MDN1: variants seen among roughly 807,000 people sequenced by gnomAD.
The protein encoded by MDN1 is midasin AAA ATPase 1, also known as midasin.
Under a neutral mutation model 669.2 loss-of-function variants are expected in MDN1, and 266 were observed. The ratio of observed to expected loss-of-function variants is 0.40; its 90% CI spans 0.36 to 0.44. MDN1 has a LOEUF of 0.44. MDN1 is among the 20% of genes least tolerant of loss of function. MDN1 has a pLI of 1.00. For missense variants in MDN1, 5,940 were observed against 6,754.0 expected (o/e 0.88, Z 4.22); for synonymous variants, 2,385 against 2,457.1 (o/e 0.97, Z 0.87).
intron 91 of MDN1, among the ~76,000 whole-genome samples, 187 bp from the exon 92 acceptor site, chr6:89,656,155 T>A (rs974016121): frequency 6.6e-6 from 1 of 152,190 alleles, no homozygotes; most frequent in Admixed American, 6.5e-5. Context: ...CTCTATGATA[T>A]ACTTTTATAT....
At chr6:89,801,208 C>T (rs1336110346) in intron 2 of MDN1, among the ~76,000 whole-genome samples, 1 of 152,128 alleles carries the variant, frequency 6.6e-6, no homozygotes, top group Non-Finnish European at 1.5e-5. Flanking sequence ...CCAGCCTGGC[C>T]AACATGGTGA....
At chr6:89,819,426 T>G in intron 1 of MDN1, 80 bp downstream of exon 1, 1 of 1,318,418 alleles carries the variant, frequency 7.6e-7, no homozygotes. Flanking sequence ...AAGCGGCGAG[T>G]ATCGGCGGGG....
rs769071772 is a variant in MDN1, at chr6:89,743,597, C to T, written c.4296G>A (p.Val1432=). 6.2e-7 allele frequency: 1 copy of T among 1,613,800 alleles called. No individual in the cohort carries two copies. Among genetic ancestry groups the T allele is most frequent in the Admixed American group, 1.7e-5 (1 of 59,916 alleles). ...AAACCTTGTCGTTTGGCTTTTGTCT[C>T]ACTGGCCGCAGGCCACCCAGGAAGT... ...TSDFLGGLRP[V]RQKPNDKEEI... The change falls in exon 30 of 102, where the codon GTG becomes GTA. Residue 1432 remains valine, a synonymous_variant. Coordinates refer to ENST00000369393, the MANE Select transcript of MDN1 (RefSeq NM_014611.3).
At chr6:89,685,026 G>C in intron 70 of MDN1, 41 bp from the exon 71 acceptor site, 1 of 1,388,130 alleles carries the variant, frequency 7.2e-7, no homozygotes, top group Non-Finnish European at 1.0e-6. Flanking sequence ...CACACTTGCT[G>C]CATGTGCTAC....
intron 15 of MDN1, among the ~76,000 whole-genome samples, chr6:89,764,678 T>C (rs1817713441): frequency 6.6e-6 from 1 of 152,106 alleles, no homozygotes; most frequent in African/African-American, 2.4e-5. Flanking sequence ...CAAGCAAGGA[T>C]GTGAGCTAAG....
At position 89,771,628 on chromosome 6, in the gene MDN1, T is replaced by A; in HGVS notation, c.2084-7A>T. 6.2e-7 allele frequency: 1 copy of A among 1,612,820 alleles called. No individual in the cohort carries two copies. Among genetic ancestry groups the A allele is most frequent in the South Asian group, 1.1e-5 (1 of 90,978 alleles). On this transcript the variant is annotated splice_polypyrimidine_tract_variant and splice_region_variant and intron_variant, in intron 14 of 101. Transcript: ENST00000369393. ...ACAACCCTCAAACGGTGGCCTTTTA[T>A]AAAGAAAGTGCAAAAGTGTTACTCC...
At chr6:89,706,429 C>A (rs1475098534) in intron 52 of MDN1, among the ~76,000 whole-genome samples, 2 of 151,410 alleles carry the variant, frequency 1.3e-5, no homozygotes. Context: ...TTTTGGAAAT[C>A]TTTGCATATA....
intron 7 of MDN1, among the ~76,000 whole-genome samples, chr6:89,789,534 C>T (rs939957724): frequency 7.9e-5 from 12 of 152,126 alleles, no homozygotes; most frequent in African/African-American, 2.9e-4. Flanking sequence ...AAACTGGTCA[C>T]ATATTCAACT....
intron 67 of MDN1, 66 bp downstream of exon 67, chr6:89,688,012 T>C: frequency 1.5e-6 from 2 of 1,327,940 alleles, no homozygotes; most frequent in Non-Finnish European, 2.2e-6. Flanking sequence ...ACAACAAAGG[T>C]GCCACAAGAC....
chr6:89,683,111 C>G, intron 73 of MDN1, 21 bp downstream of exon 73: 1 of 1,612,396 alleles, frequency 6.2e-7, no homozygotes, highest in South Asian at 1.1e-5. Context: ...AATAAGCCAG[C>G]ACTGTCCCAC....
intron 1 of MDN1, among the ~76,000 whole-genome samples, chr6:89,804,722 G>C (rs377304792): frequency 2.0e-5 from 3 of 152,084 alleles, no homozygotes; most frequent in Admixed American, 2.0e-4. Flanking sequence ...ACTTTGATAC[G>C]GAAGATGAAA....
rs200218221 is a variant in MDN1 at position 89,708,454 on chromosome 6, C to T, written c.7898+42G>A. The T allele has an allele frequency of 7.5e-6, 12 of 1,604,358 alleles. No homozygotes were observed. The Middle Eastern group carries it at 1.0e-3, about 133-fold the overall frequency. ...CTTAGGAAAGGTATAATCCGAGAAG[C>T]CAGTGAGGCAAACAGTGCCCAGAGC... On this transcript the variant is annotated intron_variant, in intron 51 of 101. Transcript: ENST00000369393.
chr6:89,658,120 C>A lies in MDN1; in HGVS notation c.15183+89G>T, dbSNP rs1809455250. 19 of 1,492,928 alleles carry A rather than the reference C, an allele frequency of 1.3e-5. No homozygotes were observed. In the Admixed American group the frequency reaches 2.8e-4, roughly 22 times the overall value. The allele number at this position is 1,492,928 out of a possible 1,614,324, so 92.5% of individuals were successfully genotyped here. A position where few individuals can be genotyped will look rare whatever the true frequency, so the allele number is the denominator to read the frequency against. ...AACAACAAAATAACCAAACATAAAC[C>A]AACTAATGCTACACAGAATGTGATG... On this transcript the variant is annotated intron_variant, in intron 90 of 101. Transcript: ENST00000369393.
At position 89,677,560 on chromosome 6, in the gene MDN1, A is replaced by G. The variant is rs1401648108; in HGVS notation, c.12539+10T>C. On this transcript the variant is annotated intron_variant, in intron 76 of 101. Transcript: ENST00000369393. ...TAAGTAGGGAAAAAACAAAACAAAA[A>G]CAGACAAACCTAGAATCAGCCTCCT... 40 of 1,612,906 alleles carry G rather than the reference A, an allele frequency of 2.5e-5. No individual in the cohort carries two copies. The highest frequency in any genetic ancestry group is 3.2e-5 in the Non-Finnish European group (38 of 1,179,658).
chr6:89,693,711 A>T (rs1812532245), intron 62 of MDN1, among the ~76,000 whole-genome samples: 2 of 152,100 alleles, frequency 1.3e-5, no homozygotes, highest in African/African-American at 2.4e-5. Context: ...CAAATCCAAA[A>T]CACTTCTGGT....
At position 89,700,378 on chromosome 6, in the gene MDN1, C is replaced by A. The variant is rs1347101720; in HGVS notation, c.8639-84G>T. On this transcript the variant is annotated intron_variant, in intron 56 of 101. Transcript: ENST00000369393. The stretch of plus-strand genomic sequence containing the variant: ...TTCTCAACAACCTGCTATGTGACTG[C>A]AAGCTTAACTTGAGCTAATCAGAGT... 3.7e-6 allele frequency: 4 copies of A among 1,094,384 alleles called. No homozygotes were observed. The South Asian group carries it at 5.6e-5, about 15-fold the overall frequency. 67.8% of individuals were successfully genotyped at this position (1,094,384 alleles called of 1,614,324 possible). A position where few individuals can be genotyped will look rare whatever the true frequency, so the allele number is the denominator to read the frequency against.
At chr6:89,774,041 C>T (rs942683584) in intron 13 of MDN1, among the ~76,000 whole-genome samples, 8 of 151,966 alleles carry the variant, frequency 5.3e-5, no homozygotes, top group African/African-American at 1.9e-4. Context: ...CCCCTAGAGC[C>T]TTCAGAGGGA....
chr6:89,758,628 T>A (rs1817377327), intron 18 of MDN1, among the ~76,000 whole-genome samples, 188 bp downstream of exon 18: 1 of 152,250 alleles, frequency 6.6e-6, no homozygotes, highest in Non-Finnish European at 1.5e-5. Context: ...CAAATTATAT[T>A]ATTCTTCTTT....
rs114504442 is a variant in MDN1, at chr6:89,658,235, C to T, written c.15157G>A (p.Ala5053Thr). The T allele has an allele frequency of 7.5e-5, 121 of 1,614,184 alleles. No homozygotes were observed. The African/African-American group carries it at 1.1e-3, about 15-fold the overall frequency. ...TCTTTCCCCTGCTCCTTCTCAGGTG[C>T]GGCCCCAGCCAGCTCCATGGCCTGT... ...NTQAMELAGA[A>T]PEKEQGKEEH... Residue 5053 changes from alanine (A) to threonine (T), a missense_variant, in exon 90 of 102, where the codon GCA becomes ACA. Transcript: ENST00000369393.
Sources: allele counts gnomAD v4.1 joint callset (sites outside exome capture counted in the v4.1 genomes callset), GRCh38; gene constraint gnomAD v4.1.1; transcripts MANE v1.5; gene names NCBI Gene and HGNC (gene_info 2026-07-23, HGNC 2026-07-21).